The following ADGRL3 variants were observed in gnomAD, a reference collection of about 807,000 sequenced individuals.
ADGRL3 encodes the protein calcium-independent alpha-latrotoxin receptor 3.
Under a neutral mutation model 153.5 loss-of-function variants are expected in ADGRL3, and 62 were observed. The observed-to-expected ratio is 0.40, with a 90% CI of 0.33 to 0.50. The LOEUF is 0.50. ADGRL3 is among the 20% of genes least tolerant of loss of function. The probability of loss-of-function intolerance (pLI) is 0.47; values close to 1 mark genes in which losing one functional copy is unlikely to be tolerated. For synonymous variants in ADGRL3, 710 were observed against 672.5 expected (o/e 1.06, Z -0.86); for missense variants, 1,641 against 1,859.4 (o/e 0.88, Z 2.16).
intron 8 of ADGRL3, among the ~76,000 whole-genome samples, chr4:61,759,213 T>C (rs1303627298): frequency 6.6e-6 from 1 of 152,206 alleles, no homozygotes; most frequent in Non-Finnish European, 1.5e-5. Context: ...ATTTGAATGT[T>C]GGCCTGCCGT....
At chr4:61,655,920 A>G (rs1019433965) in intron 5 of ADGRL3, among the ~76,000 whole-genome samples, 2 of 152,166 alleles carry the variant, frequency 1.3e-5, no homozygotes, top group African/African-American at 4.8e-5. Context: ...TTCTAGATAT[A>G]TTTGGAATGT....
At chr4:62,005,358 G>A (rs934260390) in intron 21 of ADGRL3, among the ~76,000 whole-genome samples, 2 of 152,004 alleles carry the variant, frequency 1.3e-5, no homozygotes, top group African/African-American at 4.8e-5. Context: ...ATATTTTGTC[G>A]ACTGGAAGCT....
At chr4:61,459,526 G>T (rs922012953) in intron 2 of ADGRL3, among the ~76,000 whole-genome samples, 5 of 151,920 alleles carry the variant, frequency 3.3e-5, no homozygotes, top group African/African-American at 9.7e-5. Flanking sequence ...TGGTAAAGAG[G>T]TATCTTCGAT....
At chr4:61,652,516 C>T (rs2094296610) in intron 5 of ADGRL3, among the ~76,000 whole-genome samples, 2 of 152,132 alleles carry the variant, frequency 1.3e-5, no homozygotes, top group South Asian at 2.1e-4. Context: ...TATAATATAA[C>T]CCATCTCTCC....
chr4:61,630,691 T>C (rs983995019), intron 5 of ADGRL3, among the ~76,000 whole-genome samples: 2 of 152,232 alleles, frequency 1.3e-5, no homozygotes, highest in African/African-American at 4.8e-5. Flanking sequence ...GCTAGCCAGA[T>C]ACTGGGAAAG....
chr4:62,042,359 G>T (rs1246274395), intron 24 of ADGRL3, among the ~76,000 whole-genome samples: 1 of 151,696 alleles, frequency 6.6e-6, no homozygotes, highest in Non-Finnish European at 1.5e-5. Flanking sequence ...ACTGAGATGT[G>T]ATTGGATTGT....
intron 8 of ADGRL3, among the ~76,000 whole-genome samples, chr4:61,736,299 T>C (rs2096511655): frequency 6.6e-6 from 1 of 152,138 alleles, no homozygotes; most frequent in African/African-American, 2.4e-5. Flanking sequence ...CTTGTCTGTT[T>C]ATGGGAGTTA....
chr4:62,063,603 A>C, intron 25 of ADGRL3: 1 of 699,010 alleles, frequency 1.4e-6, no homozygotes, highest in East Asian at 2.7e-5. Flanking sequence ...GGTCTGTAAC[A>C]ACCCTTCTGT....
intron 1 of ADGRL3, among the ~76,000 whole-genome samples, chr4:61,285,589 G>T (rs935788387): frequency 6.6e-5 from 10 of 151,792 alleles, no homozygotes; most frequent in African/African-American, 2.4e-4. Context: ...AGACAGTTAG[G>T]CATTGTTGTA....
At chr4:61,657,639 A>G (rs1490999069) in intron 5 of ADGRL3, among the ~76,000 whole-genome samples, 2 of 152,158 alleles carry the variant, frequency 1.3e-5, no homozygotes, top group Non-Finnish European at 2.9e-5. Flanking sequence ...GAACATTTCT[A>G]AAATTTTATT....
At chr4:61,352,256 C>G (rs577419188) in intron 1 of ADGRL3, among the ~76,000 whole-genome samples, 56 of 152,260 alleles carry the variant, frequency 3.7e-4, no homozygotes, top group Non-Finnish European at 6.8e-4. Context: ...CAGTCTCCAC[C>G]AGCCAAAAGA....
In ADGRL3 at chr4:61,821,329, T is replaced by TTTTA. The variant is rs34109310; in HGVS notation, c.1480+7464_1480+7467dup. On this transcript the variant is annotated intron_variant, in intron 9 of 26. Coordinates refer to ENST00000683033, the MANE Select transcript of ADGRL3 (RefSeq NM_001387552.1). ...CCACCTTCCAATATAGTGAACTACT[T>TTTTA]TTTATTTATTTATTTATTTATTTAT... is the stretch of plus-strand genomic sequence containing the variant. Among the ~76,000 whole-genome samples the TTTTA allele has an allele frequency of 4.6e-3, 691 of 149,950 alleles. 8 individuals are homozygous for TTTTA. The highest frequency in any genetic ancestry group is 0.015 in the African/African-American group (605 of 40,798).
intron 11 of ADGRL3, among the ~76,000 whole-genome samples, chr4:61,907,640 G>GAT (rs148695815): frequency 0.025 from 3,724 of 149,286 alleles, 113 homozygotes; most frequent in East Asian, 0.11. Context: ...ATATACACAT[G>GAT]ATATATATAT....
intron 8 of ADGRL3, among the ~76,000 whole-genome samples, chr4:61,739,694 T>C (rs1561153926): frequency 1.3e-5 from 2 of 152,184 alleles, no homozygotes; most frequent in African/African-American, 4.8e-5. Flanking sequence ...CATGGATCTA[T>C]AATCTAAGTT....
chr4:61,823,462 A>G (rs548154914), intron 9 of ADGRL3, among the ~76,000 whole-genome samples: 4 of 152,244 alleles, frequency 2.6e-5, no homozygotes, highest in African/African-American at 7.2e-5. Flanking sequence ...AGGATTTTCC[A>G]TAGATATCAC....
intron 1 of ADGRL3, among the ~76,000 whole-genome samples, chr4:61,382,840 A>C (rs909180123): frequency 3.5e-4 from 53 of 151,962 alleles, no homozygotes; most frequent in African/African-American, 1.3e-3. Context: ...TTTATATTAA[A>C]AACTGTTATA....
At position 62,013,516 on chromosome 4, in the gene ADGRL3, C is replaced by T. The variant is rs560936590; in HGVS notation, c.3395+15251C>T. Among the ~76,000 whole-genome samples, 29 of 149,568 alleles carry T rather than the reference C, an allele frequency of 1.9e-4. No individual in the cohort carries two copies. In the South Asian group the frequency reaches 4.5e-3, roughly 23 times the overall value. ...AAGATCACACTGTTGCACTCCAGCC[C>T]GGGCAACAAGAGTGAAACTCCATCT... On this transcript the variant is annotated intron_variant, in intron 21 of 26. Transcript: ENST00000683033.
chr4:61,913,125 C>T (rs2098729696), intron 13 of ADGRL3, among the ~76,000 whole-genome samples: 1 of 152,102 alleles, frequency 6.6e-6, no homozygotes, highest in African/African-American at 2.4e-5. Flanking sequence ...GAAACTAAAT[C>T]AGTCTTATAA....
At chr4:61,407,045 G>A (rs1251037358) in intron 2 of ADGRL3, among the ~76,000 whole-genome samples, 3 of 151,992 alleles carry the variant, frequency 2.0e-5, no homozygotes, top group Admixed American at 2.0e-4. Context: ...GCATTCCTAA[G>A]GCATTCTAAG....
Sources: allele counts gnomAD v4.1 joint callset (sites outside exome capture counted in the v4.1 genomes callset), GRCh38; gene constraint gnomAD v4.1.1; transcripts MANE v1.5; gene names NCBI Gene and HGNC (gene_info 2026-07-23, HGNC 2026-07-21).